AP3S2: variants seen among roughly 807,000 people sequenced by gnomAD.
AP3S2 encodes the protein adaptor related protein complex 3 subunit sigma 2, also known as AP-3 complex subunit sigma-2.
Under a neutral mutation model 23.4 loss-of-function variants are expected in AP3S2, and 22 were observed. That is an observed-to-expected ratio of 0.94 (90% CI 0.67 to 1.34). The LOEUF (loss-of-function observed/expected upper bound fraction) is 1.34. AP3S2 is among the 40% of genes most tolerant of loss of function. The pLI is 0.00. For missense variants in AP3S2, 241 were observed against 236.9 expected (o/e 1.02, Z -0.11); for synonymous variants, 86 against 87.1 (o/e 0.99, Z 0.07).
chr15:89,889,190 A>C (rs1896764546), intron 1 of AP3S2, 50 bp from the exon 2 acceptor site: 1 of 1,601,610 alleles, frequency 6.2e-7, no homozygotes, highest in Non-Finnish European at 8.6e-7. Flanking sequence ...GAAAAACTAC[A>C]TCCCATCCAT....
At position 89,830,601 on chromosome 15, in the gene AP3S2, C is replaced by T. The variant is rs2141826697; in HGVS notation, c.*4914G>A. On this transcript the variant is annotated 3_prime_UTR_variant, in exon 6 of 6. Transcript: ENST00000336418. The stretch of plus-strand genomic sequence containing the variant: ...TGAACTGCCATTTGCCTCAACCGTT[C>T]ACTCATCCAACAGTTATTTATTGAA... 1 of 152,512 alleles carries T rather than the reference C, an allele frequency of 6.6e-6. No individual in the cohort carries two copies. Among genetic ancestry groups the T allele is most frequent in the Admixed American group, 6.5e-5 (1 of 15,308 alleles). 9.4% of individuals were successfully genotyped at this position (152,512 alleles called of 1,614,324 possible).
intron 4 of AP3S2, among the ~76,000 whole-genome samples, chr15:89,851,360 A>C (rs1895648428): frequency 6.6e-6 from 1 of 151,246 alleles, no homozygotes; most frequent in Non-Finnish European, 1.5e-5. Flanking sequence ...TTTTTTTGAG[A>C]CAGAGTCTTG....
At chr15:89,846,314 A>G (rs903912509) in intron 4 of AP3S2, among the ~76,000 whole-genome samples, 1 of 151,828 alleles carries the variant, frequency 6.6e-6, no homozygotes, top group African/African-American at 2.4e-5. Flanking sequence ...CCTGTTATCG[A>G]GTCTCTCCAC....
At chr15:89,878,198 A>C (rs974272931) in intron 3 of AP3S2, 3 of 623,946 alleles carry the variant, frequency 4.8e-6, no homozygotes, top group Non-Finnish European at 8.4e-6. Flanking sequence ...TGGTGATGAT[A>C]ATAAAAATGG....
At position 89,859,889 on chromosome 15, in the gene AP3S2, G is replaced by T. The variant is rs137922760; in HGVS notation, c.345+11586C>A. Among the ~76,000 whole-genome samples, 1,306 of 151,238 alleles carry T rather than the reference G, an allele frequency of 8.6e-3. 16 individuals carry two copies. Among genetic ancestry groups the T allele is most frequent in the African/African-American group, 0.03 (1,241 of 41,156 alleles). ...TGCCATTCTCCTGCCTCAGCCTCCAGAGTAGCTAGGACTACAGGCACCTGC... is the reference window on the plus strand; with the variant it reads ...TGCCATTCTCCTGCCTCAGCCTCCATAGTAGCTAGGACTACAGGCACCTGC... On this transcript the variant is annotated intron_variant, in intron 4 of 5. Transcript: ENST00000336418.
chr15:89,888,988 G>A (rs1896758963), intron 2 of AP3S2, 61 bp downstream of exon 2: 2 of 1,593,664 alleles, frequency 1.3e-6, no homozygotes, highest in South Asian at 2.2e-5. Flanking sequence ...GTCAGAAGAT[G>A]CAATAATGAA....
At chr15:89,858,465 AAG>A (rs1467900547) in intron 4 of AP3S2, among the ~76,000 whole-genome samples, 2 of 34,666 alleles carry the variant, frequency 5.8e-5, no homozygotes, top group Non-Finnish European at 7.5e-5. Flanking sequence ...AAAAGAAAGA[AAG>A]AAAGAAAGAA....
At chr15:89,859,136 G>A (rs575299634) in intron 4 of AP3S2, among the ~76,000 whole-genome samples, 14 of 151,438 alleles carry the variant, frequency 9.2e-5, no homozygotes, top group Non-Finnish European at 1.6e-4. Context: ...GGGGATTATC[G>A]TCGTGAGCCT....
At chr15:89,857,127 A>G (rs1367818907) in intron 4 of AP3S2, among the ~76,000 whole-genome samples, 3 of 152,136 alleles carry the variant, frequency 2.0e-5, no homozygotes, top group African/African-American at 7.2e-5. Context: ...AAGCTTCATC[A>G]AAAGTAAAAA....
intron 4 of AP3S2, among the ~76,000 whole-genome samples, chr15:89,856,535 C>G (rs986746963): frequency 6.6e-6 from 1 of 151,954 alleles, no homozygotes; most frequent in African/African-American, 2.4e-5. Context: ...CCCGTCTCTA[C>G]TAAAAAAATA....
intron 4 of AP3S2, chr15:89,845,466 A>T (rs139615911): frequency 3.3e-5 from 5 of 152,324 alleles, no homozygotes; most frequent in Non-Finnish European, 7.3e-5. Context: ...TTGGAGATAG[A>T]TGGGACTTAA....
At chr15:89,868,775 G>C (rs1284478881) in intron 4 of AP3S2, among the ~76,000 whole-genome samples, 17 of 120,678 alleles carry the variant, frequency 1.4e-4, no homozygotes, top group Admixed American at 5.9e-4. Context: ...ACTGGGAAGT[G>C]AGGAGCCCCT....
intron 1 of AP3S2, among the ~76,000 whole-genome samples, chr15:89,891,795 G>C (rs1217163694): frequency 2.0e-5 from 3 of 152,118 alleles, no homozygotes; most frequent in African/African-American, 7.2e-5. Context: ...AATGTAAAAT[G>C]GTGCAGCCAC....
intron 4 of AP3S2, among the ~76,000 whole-genome samples, chr15:89,869,508 A>C (rs1371465863): frequency 7.3e-6 from 1 of 137,872 alleles, no homozygotes; most frequent in Non-Finnish European, 1.5e-5. Context: ...CCTTCCCTCC[A>C]CTATTGTCCC....
intron 3 of AP3S2, 150 bp downstream of exon 3, chr15:89,888,371 A>G: frequency 3.1e-6 from 2 of 653,298 alleles, no homozygotes; most frequent in Non-Finnish European, 5.2e-6. Flanking sequence ...AGGGTTTCTC[A>G]GGAGCTCTCC....
intron 4 of AP3S2, chr15:89,837,966 T>C (rs2141834310): frequency 2.4e-6 from 1 of 422,576 alleles, no homozygotes; most frequent in Non-Finnish European, 4.3e-6. Flanking sequence ...CTTCAAAGTC[T>C]GACAGCTCTT....
chr15:89,876,549 G>A (rs1722181004), intron 3 of AP3S2: 1 of 152,338 alleles, frequency 6.6e-6, no homozygotes, highest in African/African-American at 2.4e-5. Flanking sequence ...GCATAGGAAA[G>A]AAGCAGAAGT....
rs1896319202 is a variant in AP3S2 at position 89,871,559 on chromosome 15, G to A, written c.274-13C>T. On this transcript the variant is annotated splice_polypyrimidine_tract_variant and intron_variant, in intron 3 of 5. Transcript: ENST00000336418. Reference sequence around the variant, plus strand: ...TTTCCACAAAAACCTAGAAAACAAGGAGAAATAGATAAAGAAGAGAAATAG... The same window carrying A: ...TTTCCACAAAAACCTAGAAAACAAGAAGAAATAGATAAAGAAGAGAAATAG... 1.9e-6 allele frequency: 3 copies of A among 1,611,894 alleles called. No homozygotes were observed. Among genetic ancestry groups the A allele is most frequent in the Non-Finnish European group, 2.5e-6 (3 of 1,179,312 alleles).
chr15:89,841,574 C>G (rs115043944), intron 4 of AP3S2, among the ~76,000 whole-genome samples: 154 of 152,286 alleles, frequency 1.0e-3, no homozygotes, highest in African/African-American at 3.5e-3. Flanking sequence ...ATCACGCAAG[C>G]TACATTTGCC....
Sources: gnomAD v4.1 joint callset for allele counts (sites outside exome capture counted in the v4.1 genomes callset) on GRCh38, gnomAD v4.1.1 for gene constraint, MANE v1.5 for transcripts, NCBI Gene and HGNC (gene_info 2026-07-23, HGNC 2026-07-21) for gene names.